Variants in PACS1 observed in about 807,000 individuals in gnomAD.
PACS1 encodes the protein phosphofurin acidic cluster sorting protein 1.
Under a neutral mutation model 115.0 loss-of-function variants are expected in PACS1, and 24 were observed. That is an observed-to-expected ratio of 0.21 (90% CI 0.15 to 0.29). The LOEUF is 0.29. Among genes scored for constraint, PACS1 ranks in the 10% least tolerant of loss-of-function variants. The pLI is 1.00. For synonymous variants in PACS1, 453 were observed against 504.5 expected (o/e 0.90, Z 1.37); for missense variants, 838 against 1,251.2 (o/e 0.67, Z 4.98).
At chr11:66,224,064 A>G (rs1052790288) in intron 10 of PACS1, among the ~76,000 whole-genome samples, 17 of 152,166 alleles carry the variant, frequency 1.1e-4, no homozygotes, top group South Asian at 8.3e-4. Context: ...AGGCATGGTG[A>G]TGCACACCTG....
intron 1 of PACS1, among the ~76,000 whole-genome samples, chr11:66,103,349 TAGAG>T (rs1489012475): frequency 2.0e-5 from 3 of 152,036 alleles, no homozygotes; most frequent in Admixed American, 6.6e-5. Context: ...GGCCTGTCCT[TAGAG>T]AGCTCCCCAT....
intron 1 of PACS1, among the ~76,000 whole-genome samples, chr11:66,075,813 C>A (rs1857385842): frequency 6.6e-6 from 1 of 150,504 alleles, no homozygotes; most frequent in African/African-American, 2.5e-5. Flanking sequence ...ATCTGGCTCA[C>A]TGTAAGCTCT....
intron 1 of PACS1, among the ~76,000 whole-genome samples, chr11:66,192,915 G>A (rs537432495): frequency 6.6e-6 from 1 of 152,316 alleles, no homozygotes; most frequent in South Asian, 2.1e-4. Context: ...AAATGCAGCT[G>A]AAATAGAATT....
intron 4 of PACS1, among the ~76,000 whole-genome samples, chr11:66,214,181 T>C (rs1244513025): frequency 6.6e-6 from 1 of 152,176 alleles, no homozygotes; most frequent in African/African-American, 2.4e-5. Flanking sequence ...ATTTCTGTAC[T>C]TTAGTAAATT....
chr11:66,237,914 G>T (rs894444560), intron 19 of PACS1, among the ~76,000 whole-genome samples: 4 of 152,178 alleles, frequency 2.6e-5, no homozygotes, highest in South Asian at 2.1e-4. Context: ...TGTCGCGGCA[G>T]CCTCCAGGCA....
At chr11:66,140,904 T>C (rs1858964600) in intron 1 of PACS1, among the ~76,000 whole-genome samples, 1 of 152,158 alleles carries the variant, frequency 6.6e-6, no homozygotes, top group Non-Finnish European at 1.5e-5. Context: ...CATGTCCACA[T>C]GAAGAGCTTT....
intron 2 of PACS1, among the ~76,000 whole-genome samples, chr11:66,202,137 G>A (rs1226405169): frequency 6.6e-6 from 1 of 152,126 alleles, no homozygotes; most frequent in Non-Finnish European, 1.5e-5. Flanking sequence ...GAACCTAGAA[G>A]AAATGGATAA....
At chr11:66,215,117 A>G (rs1013038125) in intron 4 of PACS1, among the ~76,000 whole-genome samples, 13 of 151,766 alleles carry the variant, frequency 8.6e-5, no homozygotes, top group African/African-American at 2.2e-4. Flanking sequence ...TATTTTTAGT[A>G]GAGACGGGGT....
At chr11:66,139,542 G>C (rs1159890581) in intron 1 of PACS1, among the ~76,000 whole-genome samples, 2 of 128,208 alleles carry the variant, frequency 1.6e-5, no homozygotes, top group African/African-American at 6.0e-5. Flanking sequence ...TCTACTCTTT[G>C]TCTCCATGAG....
At chr11:66,219,452 A>G (rs1250520836) in intron 7 of PACS1, 1 of 527,572 alleles carries the variant, frequency 1.9e-6, no homozygotes, top group Non-Finnish European at 3.6e-6. Context: ...TCCGAAGGGC[A>G]AGAGAAAGGG....
intron 1 of PACS1, among the ~76,000 whole-genome samples, chr11:66,128,516 G>A (rs1232023139): frequency 6.6e-6 from 1 of 152,086 alleles, no homozygotes; most frequent in Non-Finnish European, 1.5e-5. Flanking sequence ...GCTGGGTGTT[G>A]GGCAAACTAG....
intron 2 of PACS1, among the ~76,000 whole-genome samples, chr11:66,202,739 AAAAATAT>A (rs1387031025): frequency 1.4e-5 from 1 of 73,044 alleles, no homozygotes; most frequent in African/African-American, 5.6e-5. Flanking sequence ...AAAAAAAAAA[AAAAATAT>A]ATATATATAT....
chr11:66,216,979 A>G (rs1328551108), intron 7 of PACS1: 1 of 569,214 alleles, frequency 1.8e-6, no homozygotes, highest in African/African-American at 1.9e-5. Context: ...TAAGAGTGTT[A>G]TATCCTTCAG....
At chr11:66,129,401 C>T (rs1168649318) in intron 1 of PACS1, among the ~76,000 whole-genome samples, 1 of 149,598 alleles carries the variant, frequency 6.7e-6, no homozygotes, top group Admixed American at 6.7e-5. Flanking sequence ...CACTGCACTC[C>T]AGGCTGGGTG....
At chr11:66,231,516 G>A (rs538155188) in intron 13 of PACS1, among the ~76,000 whole-genome samples, 9 of 152,140 alleles carry the variant, frequency 5.9e-5, no homozygotes, top group Admixed American at 2.0e-4. Flanking sequence ...GGATTTTCCC[G>A]GCACACCTTA....
At chr11:66,170,144 C>T (rs1042581676) in intron 1 of PACS1, among the ~76,000 whole-genome samples, 8 of 150,582 alleles carry the variant, frequency 5.3e-5, no homozygotes, top group Non-Finnish European at 1.2e-4. Context: ...TATGAATCTT[C>T]GCTTAATCTG....
chr11:66,105,278 C>T (rs1023093079), intron 1 of PACS1, among the ~76,000 whole-genome samples: 86 of 152,116 alleles, frequency 5.7e-4, no homozygotes, highest in African/African-American at 1.8e-3. Context: ...ACAAAATTAG[C>T]CAGGCGAGGT....
chr11:66,083,260 GC>G (rs1857518014), intron 1 of PACS1, among the ~76,000 whole-genome samples: 1 of 152,070 alleles, frequency 6.6e-6, no homozygotes, highest in South Asian at 2.1e-4. Flanking sequence ...TTTCCTCTCT[GC>G]CACCAAGATA....
chr11:66,137,648 CTT>C (rs1393390286), intron 1 of PACS1, among the ~76,000 whole-genome samples: 2 of 152,194 alleles, frequency 1.3e-5, no homozygotes, highest in Non-Finnish European at 2.9e-5. Context: ...ATAAGCATCT[CTT>C]ATGTCATTAT....
Sources: allele counts gnomAD v4.1 joint callset (sites outside exome capture counted in the v4.1 genomes callset), GRCh38; gene constraint gnomAD v4.1.1; transcripts MANE v1.5; gene names NCBI Gene and HGNC (gene_info 2026-07-23, HGNC 2026-07-21).